SRC: variants seen among roughly 807,000 people sequenced by gnomAD.
SRC encodes the protein SRC proto-oncogene, non-receptor tyrosine kinase, also known as proto-oncogene tyrosine-protein kinase Src.
SRC carries 13 observed loss-of-function variants against 62.9 expected under a neutral mutation model. The observed-to-expected ratio is 0.21, with a 90% CI of 0.13 to 0.33. The LOEUF (loss-of-function observed/expected upper bound fraction) is 0.33. Ranked by LOEUF, SRC falls within the 10% of genes least tolerant of loss-of-function variation. SRC has a pLI of 1.00. For synonymous variants in SRC, 302 were observed against 317.5 expected, an observed-to-expected ratio of 0.95 and a Z score of 0.52; for missense variants, 457 against 737.3, an observed-to-expected ratio of 0.62 and a Z score of 4.40.
chr20:37,402,711 G>A lies in SRC; in HGVS notation c.1271-38G>A, dbSNP rs1225133624. ...CTTATCTAGCAGAGCGGTCATGACA[G>A]GAGGTCAGAGCTGCCCTGACCTTTC... On this transcript the variant is annotated intron_variant, in intron 12 of 13. Transcript: ENST00000373578. The surrounding 1 kb of genome is among the most constrained non-coding windows in gnomAD (Gnocchi z 6.2). The A allele has an allele frequency of 1.9e-6, 3 of 1,589,296 alleles. No homozygotes were observed. In the Admixed American group the frequency reaches 5.2e-5, roughly 28 times the overall value.
At chr20:37,360,700 G>A (rs904046235) in intron 1 of SRC, among the ~76,000 whole-genome samples, 9 of 152,144 alleles carry the variant, frequency 5.9e-5, no homozygotes, top group Non-Finnish European at 8.8e-5. Context: ...GCATAGGCCC[G>A]GCACATAGTA....
intron 2 of SRC, among the ~76,000 whole-genome samples, chr20:37,378,082 TA>T (rs1293094392): frequency 6.6e-5 from 10 of 151,108 alleles, no homozygotes; most frequent in South Asian, 2.1e-4. Context: ...ATTTTATTTT[TA>T]TTTTTTTTGA....
chr20:37,372,499 CT>C (rs1436167569), intron 2 of SRC, among the ~76,000 whole-genome samples: 1 of 151,966 alleles, frequency 6.6e-6, no homozygotes, highest in Non-Finnish European at 1.5e-5. Context: ...AAATTTCTTT[CT>C]GTTATTGATT....
chr20:37,373,923 C>T (rs2070236893), intron 2 of SRC, among the ~76,000 whole-genome samples: 1 of 151,958 alleles, frequency 6.6e-6, no homozygotes, highest in African/African-American at 2.4e-5. Flanking sequence ...TCTGGTTGGG[C>T]TGTTTCTCCC....
intron 5 of SRC, 82 bp from the exon 6 acceptor site, chr20:37,393,813 C>G: frequency 9.3e-7 from 1 of 1,077,548 alleles, no homozygotes; most frequent in Non-Finnish European, 1.4e-6. Context: ...GCCCTGAGCA[C>G]AGCACCTAGG....
chr20:37,347,930 C>T lies in SRC; in HGVS notation c.-247+1675C>T, dbSNP rs184993815. On this transcript the variant is annotated intron_variant, in intron 1 of 13. Transcript: ENST00000373578. ...TCGCAAGACAGGACTGCACACACAG[C>T]AGTGTCGGAAAAGACTGCTCTGCTG... Among the ~76,000 whole-genome samples the T allele has an allele frequency of 8.4e-3, 1,275 of 152,350 alleles. 61 individuals are homozygous for T. The highest frequency in any genetic ancestry group is 0.077 in the Admixed American group (1,183 of 15,298).
At chr20:37,371,248 C>T (rs897045572) in intron 2 of SRC, among the ~76,000 whole-genome samples, 1 of 152,150 alleles carries the variant, frequency 6.6e-6, no homozygotes, top group African/African-American at 2.4e-5. Context: ...CCTGCCTTGG[C>T]CTCCCAAAGT....
chr20:37,403,739 C>T lies in SRC; in HGVS notation c.*360C>T. On this transcript the variant is annotated 3_prime_UTR_variant, in exon 14 of 14. Transcript: ENST00000373578. The surrounding 1 kb of genome is among the most constrained non-coding windows in gnomAD (Gnocchi z 7.1). The stretch of plus-strand genomic sequence containing the variant: ...GCCTCAGCCTACTCCGCTCACTGAA[C>T]TCCTTCCCCACTTCTGTGCCACCCC... The T allele has an allele frequency of 3.0e-6, 1 of 328,484 alleles. No homozygotes were observed. The highest frequency in any genetic ancestry group is 5.7e-6 in the Non-Finnish European group (1 of 175,036). The allele number at this position is 328,484 out of a possible 1,614,324, so 20.3% of individuals were successfully genotyped here. A position where few individuals can be genotyped will look rare whatever the true frequency, so the allele number is the denominator to read the frequency against.
chr20:37,356,371 A>C (rs2069881904), intron 1 of SRC, among the ~76,000 whole-genome samples: 3 of 152,140 alleles, frequency 2.0e-5, no homozygotes, highest in Admixed American at 6.5e-5. Context: ...GATGAGAGTA[A>C]TGTATCCCAC....
chr20:37,395,798 T>C (rs891403820), intron 7 of SRC, among the ~76,000 whole-genome samples: 1 of 152,200 alleles, frequency 6.6e-6, no homozygotes, highest in Non-Finnish European at 1.5e-5. Context: ...GGCCCTTCTA[T>C]ATGTGGTTGC....
intron 1 of SRC, among the ~76,000 whole-genome samples, chr20:37,349,672 G>A (rs892706771): frequency 6.6e-6 from 1 of 152,190 alleles, no homozygotes; most frequent in African/African-American, 2.4e-5. Context: ...CTAGCTCTGT[G>A]GTCAAGCCCT....
intron 1 of SRC, among the ~76,000 whole-genome samples, chr20:37,353,159 G>A (rs1439895685): frequency 6.6e-6 from 1 of 152,164 alleles, no homozygotes; most frequent in Non-Finnish European, 1.5e-5. Context: ...CACCAGCGGG[G>A]CTGAGACAGA....
intron 1 of SRC, among the ~76,000 whole-genome samples, chr20:37,352,230 T>C (rs1370670035): frequency 6.6e-6 from 1 of 152,226 alleles, no homozygotes; most frequent in African/African-American, 2.4e-5. Context: ...AGCCAATGTG[T>C]GCCAAGTGCT....
At position 37,396,602 on chromosome 20, in the gene SRC, T is replaced by A; in HGVS notation, c.703+291T>A. 1 of 466,002 alleles carries A rather than the reference T, an allele frequency of 2.1e-6. No homozygotes were observed. The highest frequency in any genetic ancestry group is 3.9e-6 in the Non-Finnish European group (1 of 255,296). The allele number at this position is 466,002 out of a possible 1,614,324, so 28.9% of individuals were successfully genotyped here. A position where few individuals can be genotyped will look rare whatever the true frequency, so the allele number is the denominator to read the frequency against. ...CTGGCTGGTATGGAGGGGGCTGCCC[T>A]GAGGAGCCCCAGAGTAAGCTGGAAG... On this transcript the variant is annotated intron_variant, in intron 8 of 13. Coordinates refer to ENST00000373578, the MANE Select transcript of SRC (RefSeq NM_198291.3). The surrounding 1 kb of genome is among the most constrained non-coding windows in gnomAD (Gnocchi z 6.1).
intron 5 of SRC, among the ~76,000 whole-genome samples, chr20:37,390,624 C>G (rs6094563): frequency 1.3e-5 from 2 of 152,134 alleles, no homozygotes; most frequent in Admixed American, 1.3e-4. Context: ...GGGCTGGTCT[C>G]GAACTCCTGA....
rs1352624429 is a variant in SRC, at chr20:37,368,518, C to CTTTTTTTTTTTTTTTTT, written c.-173+3250_-173+3266dup. Among the ~76,000 whole-genome samples, 166 of 73,900 alleles carry CTTTTTTTTTTTTTTTTT rather than the reference C, an allele frequency of 2.2e-3. 17 individuals carry two copies. The highest frequency in any genetic ancestry group is 3.5e-3 in the Admixed American group (17 of 4,870). The allele number at this position is 73,900 out of a possible 152,430, so 48.5% of individuals were successfully genotyped here. On this transcript the variant is annotated intron_variant, in intron 2 of 13. Coordinates refer to ENST00000373578, the MANE Select transcript of SRC (RefSeq NM_198291.3). The stretch of plus-strand genomic sequence containing the variant: ...GTCATAACATTTATGCCTATATTTT[C>CTTTTTTTTTTTTTTTTT]TTTTTTTTTTTTTTTTTTTTTTTTT...
At chr20:37,368,773 G>T (rs927115387) in intron 2 of SRC, among the ~76,000 whole-genome samples, 1 of 151,392 alleles carries the variant, frequency 6.6e-6, no homozygotes, top group Non-Finnish European at 1.5e-5. Context: ...GGATGGTCTC[G>T]ATCTCCTGAC....
In SRC at chr20:37,394,260, A is replaced by C; in HGVS notation, c.536A>C (p.Glu179Ala). ...ENPRGTFLVR[E>A]SETTKGAYCL... ...CCGAGAGGGACCTTCCTCGTGCGAGAAAGTGAGACCACGAAAGGTACGAGC... is the reference window on the plus strand; with the variant it reads ...CCGAGAGGGACCTTCCTCGTGCGAGCAAGTGAGACCACGAAAGGTACGAGC... The change falls in exon 7 of 14, where the codon GAA becomes GCA. Residue 179 changes from glutamate to alanine, a missense_variant. Glu to Ala is a moderately radical substitution (Grantham distance 107). Transcript: ENST00000373578. The C allele has an allele frequency of 6.2e-7, 1 of 1,614,014 alleles. No individual in the cohort carries two copies. The highest frequency in any genetic ancestry group is 8.5e-7 in the Non-Finnish European group (1 of 1,180,016).
At chr20:37,361,870 TGTAGAGATGCCGGGGTCTCTGTGTGCAG>T (rs1568621672) in intron 1 of SRC, among the ~76,000 whole-genome samples, 37 of 36,126 alleles carry the variant, frequency 1.0e-3, no homozygotes, top group East Asian at 6.1e-3. Flanking sequence ...CAGGTAGAGA[TGTAGAGATGCCGGGGTCTCTGTGTGCAG>T]GTAGAGATGC....
Sources: allele counts gnomAD v4.1 joint callset (sites outside exome capture counted in the v4.1 genomes callset), GRCh38; gene constraint gnomAD v4.1.1; non-coding constraint Gnocchi (gnomAD v3.1); transcripts MANE v1.5; gene names NCBI Gene and HGNC (gene_info 2026-07-23, HGNC 2026-07-21).